Variants in SEC63 observed in about 807,000 individuals in gnomAD.
SEC63 encodes SEC63 protein translocation regulator.
A neutral mutation model predicts 116.2 loss-of-function variants in SEC63; 56 were observed. The ratio of observed to expected loss-of-function variants is 0.48; its 90% CI spans 0.39 to 0.60. The LOEUF is 0.60. SEC63 is among the 20% of genes least tolerant of loss of function. The pLI is 0.00. For synonymous variants in SEC63, 273 were observed against 294.6 expected (o/e 0.93, Z 0.75); for missense variants, 668 against 900.0 (o/e 0.74, Z 3.30).
intron 18 of SEC63, among the ~76,000 whole-genome samples, chr6:107,877,594 C>A (rs572605716): frequency 4.6e-5 from 7 of 152,204 alleles, no homozygotes; most frequent in African/African-American, 1.7e-4. Flanking sequence ...CAGGCATGCA[C>A]CACGTCTGGC....
intron 4 of SEC63, among the ~76,000 whole-genome samples, chr6:107,918,480 A>T (rs1355016035): frequency 6.6e-6 from 1 of 152,128 alleles, no homozygotes; most frequent in Non-Finnish European, 1.5e-5. Flanking sequence ...AGATCACCTG[A>T]GGTCAGGAGT....
At chr6:107,949,547 A>G (rs1283430109) in intron 1 of SEC63, among the ~76,000 whole-genome samples, 3 of 152,208 alleles carry the variant, frequency 2.0e-5, no homozygotes, top group Non-Finnish European at 4.4e-5. Flanking sequence ...AAAATCAGCT[A>G]AACAAAAAAA....
At chr6:107,907,611 C>A (rs980283709) in intron 8 of SEC63, among the ~76,000 whole-genome samples, 2 of 152,086 alleles carry the variant, frequency 1.3e-5, no homozygotes, top group African/African-American at 4.8e-5. Context: ...AATGTACTCA[C>A]AAAAGGCAGG....
intron 16 of SEC63, among the ~76,000 whole-genome samples, chr6:107,892,609 C>T (rs1786709444): frequency 6.6e-6 from 1 of 151,954 alleles, no homozygotes; most frequent in South Asian, 2.1e-4. Context: ...TAGAAGCTAC[C>T]AATAAGAGTA....
At position 107,869,593 on chromosome 6, in the gene SEC63, G is replaced by A. The variant is rs891487661; in HGVS notation, c.*2111C>T. On this transcript the variant is annotated 3_prime_UTR_variant, in exon 21 of 21. Transcript: ENST00000369002. ...AAAACGAAGGGATGTGGAGTTTAGC[G>A]ACTTGCTGGAGAGAGAAGAACTATC... 9 of 152,116 alleles carry A rather than the reference G, an allele frequency of 5.9e-5. No individual in the cohort carries two copies. The highest frequency in any genetic ancestry group is 2.6e-4 in the Admixed American group (4 of 15,268). 9.4% of individuals were successfully genotyped at this position (152,116 alleles called of 1,614,324 possible). A position where few individuals can be genotyped will look rare whatever the true frequency, so the allele number is the denominator to read the frequency against.
intron 1 of SEC63, chr6:107,954,911 G>C (rs928020737): frequency 6.6e-6 from 1 of 152,200 alleles, no homozygotes; most frequent in Non-Finnish European, 1.5e-5. Context: ...TAGCATTTAA[G>C]TATTCACCTT....
chr6:107,957,257 G>A (rs1395654783), intron 1 of SEC63: 6 of 152,168 alleles, frequency 3.9e-5, no homozygotes, highest in Admixed American at 3.9e-4. Context: ...AAACTCCGAA[G>A]AAAAGGAAAT....
Position 107,903,007 on chromosome 6 carries a change from G to C in SEC63, c.1055-9C>G, listed in dbSNP as rs200328503. ...AGCACGAAACTCCCTTTCTTAGAAAGAACAGGAAAAAAAGAAACAGGGCTG... is the reference window on the plus strand; with the variant it reads ...AGCACGAAACTCCCTTTCTTAGAAACAACAGGAAAAAAAGAAACAGGGCTG... On this transcript the variant is annotated splice_polypyrimidine_tract_variant and intron_variant, in intron 11 of 20. Transcript: ENST00000369002. 11 of 1,613,608 alleles carry C rather than the reference G, an allele frequency of 6.8e-6. No individual in the cohort carries two copies. The East Asian group carries it at 8.9e-5, about 13-fold the overall frequency.
At chr6:107,930,619 A>C (rs534996466) in intron 1 of SEC63, among the ~76,000 whole-genome samples, 28 of 152,134 alleles carry the variant, frequency 1.8e-4, no homozygotes, top group Admixed American at 5.9e-4. Context: ...AACAAACAAA[A>C]AAAAAAAGTA....
intron 1 of SEC63, chr6:107,930,032 T>G (rs1583764435): frequency 1.3e-5 from 2 of 158,562 alleles, no homozygotes; most frequent in Admixed American, 1.3e-4. Context: ...AAAATCAACT[T>G]GCAGTTAAAA....
At position 107,893,623 on chromosome 6, in the gene SEC63, T is replaced by A; in HGVS notation, c.1533A>T (p.Gly511=). ...QGETNKNRTK[G]GWQQKSKGPK... is the part of the protein sequence containing the mutation. ...GTCCTTTACTCTTCTGTTGCCATCC[T>A]CCTTTTGTCCTGTTCTTGTTAGTTT... The change falls in exon 16 of 21, where the codon GGA becomes GGT. Residue 511 remains glycine (G), a synonymous_variant. Transcript: ENST00000369002. 1 of 1,613,718 alleles carries A rather than the reference T, an allele frequency of 6.2e-7. No homozygotes were observed. Among genetic ancestry groups the A allele is most frequent in the Non-Finnish European group, 8.5e-7 (1 of 1,179,948 alleles).
At chr6:107,926,531 G>A (rs1313267953) in intron 2 of SEC63, among the ~76,000 whole-genome samples, 4 of 152,066 alleles carry the variant, frequency 2.6e-5, no homozygotes, top group African/African-American at 7.2e-5. Context: ...GAGCCACCGC[G>A]GCCAGCCTAC....
chr6:107,903,202 T>C (rs1787048616), intron 11 of SEC63, among the ~76,000 whole-genome samples: 2 of 152,120 alleles, frequency 1.3e-5, no homozygotes, highest in South Asian at 4.1e-4. Flanking sequence ...GCAACAACCA[T>C]TGATTTAAAA....
At chr6:107,913,204 G>T (rs796779755) in intron 5 of SEC63, among the ~76,000 whole-genome samples, 162 bp downstream of exon 5, 30 of 152,032 alleles carry the variant, frequency 2.0e-4, no homozygotes, top group African/African-American at 6.3e-4. Context: ...CTAGTCTTTA[G>T]AAAGAAAAAT....
Position 107,876,671 on chromosome 6 carries a change from A to AAAAC in SEC63, c.1936-10_1936-9insGTTT. ...CACCATTCTTGTTTTTCCTGGAAAC[A>AAAAC]AAAAAAAAAAAAAAAAAAGAAGAGG... On this transcript the variant is annotated splice_polypyrimidine_tract_variant and intron_variant, in intron 18 of 20. Transcript: ENST00000369002. 1 of 730,952 alleles carries AAAAC rather than the reference A, an allele frequency of 1.4e-6. No individual in the cohort carries two copies. Among genetic ancestry groups the AAAAC allele is most frequent in the Non-Finnish European group, 1.8e-6 (1 of 555,350 alleles). 45.3% of individuals were successfully genotyped at this position (730,952 alleles called of 1,614,324 possible).
intron 6 of SEC63, among the ~76,000 whole-genome samples, chr6:107,911,679 C>T (rs1787287206): frequency 2.0e-5 from 3 of 152,132 alleles, no homozygotes; most frequent in South Asian, 4.1e-4. Context: ...GCTCTAGAGC[C>T]TATGTTCATA....
At chr6:107,940,813 G>A (rs367648107) in intron 1 of SEC63, among the ~76,000 whole-genome samples, 18 of 147,486 alleles carry the variant, frequency 1.2e-4, no homozygotes, top group Admixed American at 5.4e-4. Flanking sequence ...AAAAAGACTC[G>A]CTGCAGTATC....
chr6:107,932,343 A>AG (rs1172659849), intron 1 of SEC63: 1 of 152,246 alleles, frequency 6.6e-6, no homozygotes, highest in African/African-American at 2.4e-5. Context: ...GTAACAGGTA[A>AG]GTAAAAGGAC....
intron 1 of SEC63, among the ~76,000 whole-genome samples, chr6:107,930,423 C>T (rs1001626892): frequency 4.0e-5 from 6 of 151,558 alleles, no homozygotes; most frequent in Non-Finnish European, 5.9e-5. Context: ...CCAGCCTCAA[C>T]ATGGAGAAAC....
Sources: allele counts gnomAD v4.1 joint callset (sites outside exome capture counted in the v4.1 genomes callset), GRCh38; gene constraint gnomAD v4.1.1; transcripts MANE v1.5; gene names NCBI Gene and HGNC (gene_info 2026-07-23, HGNC 2026-07-21).